The following RGS17 variants were observed in gnomAD, a reference collection of about 807,000 sequenced individuals.
RGS17 encodes regulator of G-protein signaling 17.
A neutral mutation model predicts 25.5 loss-of-function variants in RGS17; 12 were observed. That is an observed-to-expected ratio of 0.47 (90% confidence interval 0.30 to 0.76). The LOEUF (loss-of-function observed/expected upper bound fraction) is 0.76. RGS17 is among the 30% of genes least tolerant of loss of function. The probability of loss-of-function intolerance (pLI) is 0.07; values close to 1 mark genes in which losing one functional copy is unlikely to be tolerated. For missense variants in RGS17, 196 were observed against 242.2 expected, an observed-to-expected ratio of 0.81 and a Z score of 1.27; for synonymous variants, 71 against 76.9, an observed-to-expected ratio of 0.92 and a Z score of 0.40.
At chr6:153,124,155 T>A (rs945559974) in intron 1 of RGS17, among the ~76,000 whole-genome samples, 1 of 152,186 alleles carries the variant, frequency 6.6e-6, no homozygotes, top group Non-Finnish European at 1.5e-5. Context: ...ATTACTCCCA[T>A]GTTGTATTTA....
rs1779088881 is a variant in RGS17, at chr6:153,007,576, TA to T, written c.*3997del. The T allele has an allele frequency of 6.6e-6, 1 of 151,836 alleles. No individual in the cohort carries two copies. The highest frequency in any genetic ancestry group is 2.4e-5 in the African/African-American group (1 of 41,380). 9.4% of individuals were successfully genotyped at this position (151,836 alleles called of 1,614,324 possible). A position where few individuals can be genotyped will look rare whatever the true frequency, so the allele number is the denominator to read the frequency against. ...CTATAGGCATTTTCTGTCTAAGACT[TA>T]AAAATATTATTATTATAATTATTAT... On this transcript the variant is annotated 3_prime_UTR_variant, in exon 5 of 5. Coordinates refer to ENST00000206262, the MANE Select transcript of RGS17 (RefSeq NM_012419.5).
At chr6:153,014,779 CAG>C (rs2129105585) in intron 4 of RGS17, among the ~76,000 whole-genome samples, 1 of 140,516 alleles carries the variant, frequency 7.1e-6, no homozygotes, top group East Asian at 2.1e-4. Context: ...GACTGGGCTA[CAG>C]AGTGAGACTC....
In RGS17 at chr6:153,006,376, TA is replaced by T. The variant is rs1289758337; in HGVS notation, c.*5197del. 1.3e-5 allele frequency: 2 copies of T among 152,540 alleles called. No homozygotes were observed. Among genetic ancestry groups the T allele is most frequent in the Non-Finnish European group, 2.9e-5 (2 of 68,026 alleles). The allele number at this position is 152,540 out of a possible 1,614,324, so 9.4% of individuals were successfully genotyped here. A position where few individuals can be genotyped will look rare whatever the true frequency, so the allele number is the denominator to read the frequency against. ...AAACTTTCAAATGATTGATCTTATT[TA>T]AACTTTAATTTTAACCTATAATTGT... is the stretch of plus-strand genomic sequence containing the variant. On this transcript the variant is annotated 3_prime_UTR_variant, in exon 5 of 5. Coordinates refer to ENST00000206262, the MANE Select transcript of RGS17 (RefSeq NM_012419.5).
At chr6:153,023,827 G>A (rs1033687918) in intron 4 of RGS17, among the ~76,000 whole-genome samples, 4 of 152,016 alleles carry the variant, frequency 2.6e-5, no homozygotes, top group Non-Finnish European at 5.9e-5. Flanking sequence ...AGATTTCTGG[G>A]TCCTATTTCC....
At chr6:153,100,308 T>C (rs1265113222) in intron 1 of RGS17, among the ~76,000 whole-genome samples, 1 of 152,248 alleles carries the variant, frequency 6.6e-6, no homozygotes, top group Non-Finnish European at 1.5e-5. Flanking sequence ...TCACATAGTT[T>C]ATCTGTTCTT....
At chr6:153,040,858 T>C (rs891892971) in intron 2 of RGS17, among the ~76,000 whole-genome samples, 1 of 151,966 alleles carries the variant, frequency 6.6e-6, no homozygotes, top group Non-Finnish European at 1.5e-5. Flanking sequence ...TTTATCCTTT[T>C]AAAAAAATTA....
intron 1 of RGS17, among the ~76,000 whole-genome samples, chr6:153,121,186 A>G (rs1054083546): frequency 1.3e-5 from 2 of 152,166 alleles, no homozygotes; most frequent in African/African-American, 4.8e-5. Context: ...GAAACTAAAG[A>G]AAACTTGGAA....
At chr6:153,050,893 G>A (rs1436242088) in intron 1 of RGS17, among the ~76,000 whole-genome samples, 2 of 152,130 alleles carry the variant, frequency 1.3e-5, no homozygotes, top group Non-Finnish European at 2.9e-5. Flanking sequence ...AATGATATTT[G>A]GAGGTGGGGC....
intron 1 of RGS17, among the ~76,000 whole-genome samples, chr6:153,078,457 GT>G (rs1029240249): frequency 1.3e-5 from 2 of 151,778 alleles, no homozygotes; most frequent in South Asian, 2.1e-4. Flanking sequence ...CTGTTTTATT[GT>G]TTTTTCAGAG....
intron 2 of RGS17, among the ~76,000 whole-genome samples, chr6:153,036,218 A>G (rs1043062565): frequency 6.6e-6 from 1 of 151,872 alleles, no homozygotes; most frequent in Non-Finnish European, 1.5e-5. Context: ...ACACTCGGCT[A>G]ATTTTAAAAT....
At chr6:153,088,176 G>A (rs978803680) in intron 1 of RGS17, among the ~76,000 whole-genome samples, 3 of 152,142 alleles carry the variant, frequency 2.0e-5, no homozygotes, top group African/African-American at 7.2e-5. Flanking sequence ...TTTTTCCCTA[G>A]TTGAGCCTTG....
intron 1 of RGS17, among the ~76,000 whole-genome samples, chr6:153,114,283 T>A (rs1431770613): frequency 6.6e-6 from 1 of 151,916 alleles, no homozygotes; most frequent in Admixed American, 6.6e-5. Context: ...ACAAACTACA[T>A]CAGAGAATAC....
rs1460102670 is a variant in RGS17 at position 153,026,490 on chromosome 6, G to A, written c.173C>T (p.Thr58Ile). The A allele has an allele frequency of 1.2e-6, 2 of 1,612,924 alleles. No homozygotes were observed. Among genetic ancestry groups the A allele is most frequent in the Admixed American group, 3.3e-5 (2 of 59,976 alleles). ...RGENAGRPTH[T>I]TKMESIQVLE... Reference sequence around the variant, plus strand: ...GACCTGGATACTCTCCATTTTTGTAGTGTGTGTGGGTCTTCCCGCATTTTC... The same window carrying A: ...GACCTGGATACTCTCCATTTTTGTAATGTGTGTGGGTCTTCCCGCATTTTC... The change falls in exon 3 of 5, where the codon ACT becomes ATT. Residue 58 changes from threonine (T) to isoleucine (I), a missense_variant. Physicochemically the swap from Thr to Ile is moderately conservative, Grantham distance 89. Around this residue, in one of 2 missense-constraint regions of RGS17, gnomAD observed 179 missense variants for 197.6 expected, o/e 0.91. Transcript: ENST00000206262.
At chr6:153,075,556 T>C (rs1489109511) in intron 1 of RGS17, among the ~76,000 whole-genome samples, 2 of 152,088 alleles carry the variant, frequency 1.3e-5, no homozygotes, top group East Asian at 1.9e-4. Flanking sequence ...CATGGAACAA[T>C]AGAGAGAAAC....
At chr6:153,111,836 AG>A (rs903438776) in intron 1 of RGS17, among the ~76,000 whole-genome samples, 3 of 152,258 alleles carry the variant, frequency 2.0e-5, no homozygotes, top group African/African-American at 7.2e-5. Flanking sequence ...CTCCAGCAGC[AG>A]GGGGGCCTGA....
intron 2 of RGS17, among the ~76,000 whole-genome samples, chr6:153,042,096 G>A (rs995860615): frequency 2.0e-5 from 3 of 152,188 alleles, no homozygotes; most frequent in African/African-American, 7.2e-5. Context: ...ACTATAGTAA[G>A]TCATTACATG....
chr6:153,098,965 C>A (rs552957729), intron 1 of RGS17, among the ~76,000 whole-genome samples: 1 of 152,094 alleles, frequency 6.6e-6, no homozygotes, highest in Non-Finnish European at 1.5e-5. Context: ...GTTAAGTGAT[C>A]ATTTATTCTG....
At chr6:153,084,121 C>T (rs1167862760) in intron 1 of RGS17, among the ~76,000 whole-genome samples, 1 of 152,022 alleles carries the variant, frequency 6.6e-6, no homozygotes, top group Non-Finnish European at 1.5e-5. Flanking sequence ...GGTCTTCTGG[C>T]ATACAAGGTA....
Position 153,043,980 on chromosome 6 carries a change from AG to A in RGS17, c.38del (p.Pro13LeufsTer31). On this transcript the variant is annotated frameshift_variant, in exon 2 of 5. Transcript: ENST00000206262. LOFTEE classifies it high-confidence loss of function. ...KRQQSQNEGT[P>X]AVSQAPGNQR... The stretch of plus-strand genomic sequence containing the variant: ...GGTTTCCAGGAGCTTGAGACACGGC[AG>A]GTGTTCCTTCATTTTGGGACTGCTG... The A allele has an allele frequency of 6.2e-7, 1 of 1,613,128 alleles. No homozygotes were observed. The highest frequency in any genetic ancestry group is 1.7e-5 in the Admixed American group (1 of 59,882).
Sources: allele counts gnomAD v4.1 joint callset (sites outside exome capture counted in the v4.1 genomes callset), GRCh38; gene constraint gnomAD v4.1.1; regional missense constraint gnomAD v4.1.1; transcripts MANE v1.5; gene names NCBI Gene and HGNC (gene_info 2026-07-23, HGNC 2026-07-21).